The following STRADB variants were observed in gnomAD, a reference collection of about 807,000 sequenced individuals.
STRADB encodes STE20-related kinase adapter protein beta.
A neutral mutation model predicts 52.1 loss-of-function variants in STRADB; 34 were observed. That is an observed-to-expected ratio of 0.65 (90% CI 0.50 to 0.87). The LOEUF is 0.87. Among genes scored for constraint, STRADB ranks in the 40% least tolerant of loss-of-function variants. The pLI is 0.00. For synonymous variants in STRADB, 133 were observed against 174.5 expected (o/e 0.76, Z 1.87); for missense variants, 340 against 483.9 (o/e 0.70, Z 2.79).
chr2:201,469,809 T>C lies in STRADB; in HGVS notation c.94-144T>C, dbSNP rs1286234173. The C allele has an allele frequency of 1.4e-4, 82 of 605,556 alleles. No individual in the cohort carries two copies. In the South Asian group the frequency reaches 1.8e-3, roughly 14 times the overall value. 37.5% of individuals were successfully genotyped at this position (605,556 alleles called of 1,614,324 possible). On this transcript the variant is annotated intron_variant, in intron 3 of 11. Coordinates refer to ENST00000194530, the MANE Select transcript of STRADB (RefSeq NM_018571.6). Reference sequence around the variant, plus strand: ...GAGCAATTGGTAAATTCATTTTAGATCTTAAAACAGTGTCTTAAGCCACCT... The same window carrying C: ...GAGCAATTGGTAAATTCATTTTAGACCTTAAAACAGTGTCTTAAGCCACCT...
At chr2:201,460,600 T>C (rs1184557071) in intron 3 of STRADB, among the ~76,000 whole-genome samples, 1 of 152,186 alleles carries the variant, frequency 6.6e-6, no homozygotes, top group East Asian at 1.9e-4. Flanking sequence ...CTCCCACAGG[T>C]GAGTGACATG....
intron 10 of STRADB, 39 bp downstream of exon 10, chr2:201,478,640 G>T: frequency 6.3e-7 from 1 of 1,589,480 alleles, no homozygotes; most frequent in Non-Finnish European, 8.6e-7. Flanking sequence ...AAATGTACAT[G>T]TTTTACATTT....
intron 6 of STRADB, 110 bp from the exon 7 acceptor site, chr2:201,475,509 C>T (rs1038538059): frequency 7.4e-7 from 1 of 1,351,852 alleles, no homozygotes; most frequent in African/African-American, 1.5e-5. Context: ...GGGTTAGACT[C>T]CAAAAAGTAA....
Position 201,480,119 on chromosome 2 carries a change from T to C in STRADB, c.1201T>C (p.Trp401Arg). 3.7e-6 allele frequency: 6 copies of C among 1,613,892 alleles called. No homozygotes were observed. Among genetic ancestry groups the C allele is most frequent in the Non-Finnish European group, 5.1e-6 (6 of 1,179,812 alleles). ...AATATCATTGCCTCCAGTGTTACCT[T>C]GGACTGAGCCAGAATGTGATTTTCC... ...PSISLPPVLP[W>R]TEPECDFPDE... The change falls in exon 12 of 12, where the codon TGG becomes CGG. Residue 401 changes from tryptophan to arginine, a missense_variant. Physicochemically the swap from Trp to Arg is moderately radical, Grantham distance 101 (BLOSUM62 -3). Transcript: ENST00000194530.
intron 3 of STRADB, among the ~76,000 whole-genome samples, chr2:201,461,287 C>T (rs1193151962): frequency 6.6e-6 from 1 of 152,116 alleles, no homozygotes; most frequent in Non-Finnish European, 1.5e-5. Flanking sequence ...CTCCTGGGTT[C>T]AAGCAATCCT....
At chr2:201,467,254 C>T (rs951589044) in intron 3 of STRADB, among the ~76,000 whole-genome samples, 3 of 152,216 alleles carry the variant, frequency 2.0e-5, no homozygotes, top group Admixed American at 2.0e-4. Context: ...TGACAGCTGT[C>T]AAAGTACTTG....
intron 2 of STRADB, 63 bp downstream of exon 2, chr2:201,454,915 G>C: frequency 6.7e-7 from 1 of 1,497,682 alleles, no homozygotes. Flanking sequence ...TTAATGCCAA[G>C]CCATAATAAA....
At chr2:201,459,215 T>G (rs1262946621) in intron 3 of STRADB, among the ~76,000 whole-genome samples, 3 of 152,134 alleles carry the variant, frequency 2.0e-5, no homozygotes, top group African/African-American at 7.2e-5. Flanking sequence ...ATGACTTCAG[T>G]TGCTCAGATT....
intron 7 of STRADB, among the ~76,000 whole-genome samples, chr2:201,476,820 CAAAAAA>C (rs1431600674): frequency 7.6e-6 from 1 of 132,402 alleles, no homozygotes; most frequent in African/African-American, 2.8e-5. Flanking sequence ...ACTAAAAATA[CAAAAAA>C]AAAAAATTAG....
intron 1 of STRADB, among the ~76,000 whole-genome samples, chr2:201,453,990 A>G (rs1030408490): frequency 1.3e-5 from 2 of 152,206 alleles, no homozygotes; most frequent in Non-Finnish European, 2.9e-5. Flanking sequence ...ATGGTTTACA[A>G]AATCTTCCCT....
chr2:201,478,108 A>C lies in STRADB; in HGVS notation c.742A>C (p.Lys248Gln), dbSNP rs1300997431. ...LRQDLHGYNV[K>Q]SDIYSVGITA... ...ACAGGATTTACATGGGTATAATGTG[A>C]AGTCAGATATTTACAGTGTTGGGAT... Residue 248 changes from lysine to glutamine, a missense_variant, in exon 9 of 12, where the codon AAG becomes CAG. By Grantham distance (53) the Lys-to-Gln change is moderately conservative. Transcript: ENST00000194530. 6.2e-7 allele frequency: 1 copy of C among 1,611,178 alleles called. No individual in the cohort carries two copies. The highest frequency in any genetic ancestry group is 8.5e-7 in the Non-Finnish European group (1 of 1,179,280).
intron 3 of STRADB, among the ~76,000 whole-genome samples, chr2:201,468,806 GTTCT>G (rs1323999506): frequency 2.0e-5 from 3 of 152,038 alleles, no homozygotes; most frequent in Non-Finnish European, 2.9e-5. Flanking sequence ...GCTGTTATAT[GTTCT>G]TTCTGTCTCT....
At position 201,478,682 on chromosome 2, in the gene STRADB, A is replaced by C. The variant is rs1952520704; in HGVS notation, c.1070+81A>C. ...AGCTTTGTAACATTGCCCTTCCAGG[A>C]GAATACAAATCTTTTGATCAAAATA... On this transcript the variant is annotated intron_variant, in intron 10 of 11. Transcript: ENST00000194530. 4 of 1,457,880 alleles carry C rather than the reference A, an allele frequency of 2.7e-6. No individual in the cohort carries two copies. In the Admixed American group the frequency reaches 8.9e-5, roughly 33 times the overall value. 90.3% of individuals were successfully genotyped at this position (1,457,880 alleles called of 1,614,324 possible).
chr2:201,454,658 C>A (rs1452737173), intron 1 of STRADB, 88 bp from the exon 2 acceptor site: 3 of 449,958 alleles, frequency 6.7e-6, no homozygotes, highest in Non-Finnish European at 1.2e-5. Flanking sequence ...CAGGGAATAG[C>A]TGCCTAAATA....
At chr2:201,476,542 A>G (rs990268731) in intron 7 of STRADB, among the ~76,000 whole-genome samples, 1 of 152,078 alleles carries the variant, frequency 6.6e-6, no homozygotes, top group Non-Finnish European at 1.5e-5. Flanking sequence ...ATTAAAGGAA[A>G]TGTATAAGAT....
chr2:201,468,148 T>C (rs1171355235), intron 3 of STRADB, among the ~76,000 whole-genome samples: 6 of 151,092 alleles, frequency 4.0e-5, no homozygotes, highest in Admixed American at 1.3e-4. Flanking sequence ...TCCATACTTT[T>C]TCTTTTTTCA....
At chr2:201,468,913 A>AG (rs1952347489) in intron 3 of STRADB, among the ~76,000 whole-genome samples, 1 of 152,384 alleles carries the variant, frequency 6.6e-6, no homozygotes, top group South Asian at 2.1e-4. Flanking sequence ...GCAGAAAAAA[A>AG]GAGAAACTAA....
At chr2:201,472,899 A>G in intron 4 of STRADB, 56 bp from the exon 5 acceptor site, 1 of 1,523,644 alleles carries the variant, frequency 6.6e-7, no homozygotes, top group East Asian at 2.4e-5. Context: ...TGATGTCTAA[A>G]TTGTCAGTTT....
intron 3 of STRADB, among the ~76,000 whole-genome samples, chr2:201,459,522 C>G (rs1321864955): frequency 6.6e-6 from 1 of 152,150 alleles, no homozygotes; most frequent in African/African-American, 2.4e-5. Context: ...TACCTCTGTC[C>G]CCATATTTAT....
Sources: gnomAD v4.1 joint callset for allele counts (sites outside exome capture counted in the v4.1 genomes callset) on GRCh38, gnomAD v4.1.1 for gene constraint, MANE v1.5 for transcripts, NCBI Gene and HGNC (gene_info 2026-07-23, HGNC 2026-07-21) for gene names.